The following PRPF6 variants were observed in gnomAD, a reference collection of about 807,000 sequenced individuals.
PRPF6 encodes pre-mRNA processing factor 6.
Under a neutral mutation model 118.3 loss-of-function variants are expected in PRPF6, and 42 were observed. The ratio of observed to expected loss-of-function variants is 0.35; its 90% CI spans 0.28 to 0.46. The LOEUF (loss-of-function observed/expected upper bound fraction) is 0.46, where lower values mean the gene tolerates loss of function less well. Among genes scored for constraint, PRPF6 ranks in the 20% least tolerant of loss-of-function variants. The pLI, the probability that PRPF6 is intolerant of heterozygous loss-of-function variation, is 1.00. For missense variants in PRPF6, 662 were observed against 1,255.7 expected, an observed-to-expected ratio of 0.53 and a Z score of 7.15; for synonymous variants, 481 against 485.1, an observed-to-expected ratio of 0.99 and a Z score of 0.11.
chr20:64,007,394 C>T (rs559643277), intron 9 of PRPF6, among the ~76,000 whole-genome samples: 20 of 136,240 alleles, frequency 1.5e-4, no homozygotes, highest in Non-Finnish European at 2.9e-4. Flanking sequence ...CCCTCTGCCT[C>T]CCGTCCCCTC....
Position 63,995,356 on chromosome 20 carries a change from A to T in PRPF6, c.645A>T (p.Pro215=). 1 of 1,613,666 alleles carries T rather than the reference A, an allele frequency of 6.2e-7. No individual in the cohort carries two copies. Among genetic ancestry groups the T allele is most frequent in the Non-Finnish European group, 8.5e-7 (1 of 1,179,804 alleles). The change falls in exon 6 of 21, where the codon CCA becomes CCT. Residue 215 remains proline (P), a synonymous_variant. Transcript: ENST00000266079. ...TTGGAGGTCTTAACACACCCTATCC[A>T]GGTGGACTAAACACTCCATACCCAG... is the stretch of plus-strand genomic sequence containing the variant. ...TQFGGLNTPY[P]GGLNTPYPGG...
At chr20:64,019,526 G>A (rs565494909) in intron 12 of PRPF6, among the ~76,000 whole-genome samples, 4 of 152,228 alleles carry the variant, frequency 2.6e-5, no homozygotes, top group East Asian at 1.9e-4. Flanking sequence ...CTTCCCTCCC[G>A]GACACCAGGG....
chr20:63,998,037 C>T (rs902742392), intron 6 of PRPF6, among the ~76,000 whole-genome samples: 10 of 152,166 alleles, frequency 6.6e-5, no homozygotes, highest in African/African-American at 2.2e-4. Flanking sequence ...GCTGTGAATA[C>T]GGGTGTACAG....
At chr20:64,020,840 G>A (rs1264375047) in intron 12 of PRPF6, among the ~76,000 whole-genome samples, 3 of 147,664 alleles carry the variant, frequency 2.0e-5, no homozygotes, top group East Asian at 2.0e-4. Context: ...AGGCTGGAGC[G>A]CAATGGCGCA....
At chr20:63,984,761 G>T in intron 2 of PRPF6, 146 bp from the exon 3 acceptor site, 1 of 662,796 alleles carries the variant, frequency 1.5e-6, no homozygotes. Flanking sequence ...GTAGTCACCA[G>T]TTATATGGTA....
At chr20:63,982,355 A>G (rs1255626121) in intron 1 of PRPF6, among the ~76,000 whole-genome samples, 1 of 151,776 alleles carries the variant, frequency 6.6e-6, no homozygotes, top group Non-Finnish European at 1.5e-5. Context: ...TATTTTTAGT[A>G]GAGACAGGGT....
intron 10 of PRPF6, 120 bp downstream of exon 10, chr20:64,010,438 G>A (rs2059211547): frequency 1.2e-6 from 1 of 859,756 alleles, no homozygotes; most frequent in African/African-American, 1.6e-5. Flanking sequence ...GCAATTTCTG[G>A]GAGCAGAAGG....
At chr20:63,994,582 C>G (rs1457309051) in intron 4 of PRPF6, among the ~76,000 whole-genome samples, 3 of 152,094 alleles carry the variant, frequency 2.0e-5, no homozygotes, top group Non-Finnish European at 4.4e-5. Flanking sequence ...GAGTTTGAGA[C>G]CAGCCTTGGG....
intron 10 of PRPF6, among the ~76,000 whole-genome samples, chr20:64,010,695 C>G (rs2123052105): frequency 6.6e-6 from 1 of 152,330 alleles, no homozygotes; most frequent in Admixed American, 6.5e-5. Context: ...CATGACTGCT[C>G]TTTGCCTCTA....
At chr20:64,014,056 G>C (rs2059227015) in intron 11 of PRPF6, among the ~76,000 whole-genome samples, 1 of 151,624 alleles carries the variant, frequency 6.6e-6, no homozygotes, top group Non-Finnish European at 1.5e-5. Context: ...TCCTGCCTCA[G>C]CCTCCTGAGT....
chr20:64,010,004 C>T (rs1180060118), intron 9 of PRPF6, among the ~76,000 whole-genome samples, 196 bp from the exon 10 acceptor site: 1 of 152,186 alleles, frequency 6.6e-6, no homozygotes, highest in African/African-American at 2.4e-5. Flanking sequence ...TTGCTTTCTG[C>T]TACCACAAGA....
intron 9 of PRPF6, among the ~76,000 whole-genome samples, chr20:64,005,096 C>T (rs1013364502): frequency 2.0e-5 from 3 of 152,132 alleles, no homozygotes; most frequent in African/African-American, 7.2e-5. Context: ...GTGTGTGCTT[C>T]CTCCACTTCT....
intron 11 of PRPF6, 55 bp from the exon 12 acceptor site, chr20:64,016,668 G>T: frequency 6.2e-7 from 1 of 1,608,582 alleles, no homozygotes; most frequent in Non-Finnish European, 8.5e-7. Flanking sequence ...TCCCCGTTGG[G>T]AATCTGCAGC....
chr20:64,031,830 G>C, intron 19 of PRPF6, 88 bp from the exon 20 acceptor site: 1 of 1,578,742 alleles, frequency 6.3e-7, no homozygotes, highest in African/African-American at 1.3e-5. Context: ...GGTCAGGGAT[G>C]AAGCTGATGG....
In PRPF6 at chr20:64,011,191, T is replaced by C; in HGVS notation, c.1306-94T>C. 2 of 1,115,916 alleles carry C rather than the reference T, an allele frequency of 1.8e-6. No homozygotes were observed. Among genetic ancestry groups the C allele is most frequent in the South Asian group, 1.3e-5 (1 of 77,132 alleles). The allele number at this position is 1,115,916 out of a possible 1,614,324, so 69.1% of individuals were successfully genotyped here. A position where few individuals can be genotyped will look rare whatever the true frequency, so the allele number is the denominator to read the frequency against. ...GGTTCTCGAGAGCTAAGAAAGAACGTGGTGGCCAACGCTGGAGGGTGGGTC... is the reference window on the plus strand; with the variant it reads ...GGTTCTCGAGAGCTAAGAAAGAACGCGGTGGCCAACGCTGGAGGGTGGGTC... On this transcript the variant is annotated intron_variant, in intron 10 of 20. Transcript: ENST00000266079. This position sits in a 1 kb window ranked among gnomAD's most constrained non-coding sequence, Gnocchi z 6.7.
chr20:63,985,061 A>G lies in PRPF6; in HGVS notation c.359+36A>G, dbSNP rs1183681291. On this transcript the variant is annotated intron_variant, in intron 3 of 20. Coordinates refer to ENST00000266079, the MANE Select transcript of PRPF6 (RefSeq NM_012469.4). ...TTGTTGCCTTTCACAATATTTATCC[A>G]AGTTTAAAAAAAAGTTTTGTGGCCA... 3.2e-6 allele frequency: 5 copies of G among 1,585,304 alleles called. No homozygotes were observed. The South Asian group carries it at 4.4e-5, about 14-fold the overall frequency.
rs1391020487 is a variant in PRPF6, at chr20:64,011,623, C to T, written c.1524+120C>T. The T allele has an allele frequency of 8.7e-7, 1 of 1,148,654 alleles. No homozygotes were observed. Among genetic ancestry groups the T allele is most frequent in the Non-Finnish European group, 1.3e-6 (1 of 795,444 alleles). 71.2% of individuals were successfully genotyped at this position (1,148,654 alleles called of 1,614,324 possible). A position where few individuals can be genotyped will look rare whatever the true frequency, so the allele number is the denominator to read the frequency against. ...GGGGAGTCCTGTGCCAAACCAGAAG[C>T]AGGCACAGGTGTGAATGGGCCCTGA... On this transcript the variant is annotated intron_variant, in intron 11 of 20. Coordinates refer to ENST00000266079, the MANE Select transcript of PRPF6 (RefSeq NM_012469.4). This position sits in a 1 kb window ranked among gnomAD's most constrained non-coding sequence, Gnocchi z 6.7.
Position 63,994,957 on chromosome 20 carries a change from C to A in PRPF6, c.480C>A (p.Ile160=). ...AEVTEEEWLS[I]PEVGDARNKR... is the part of the protein sequence containing the mutation. Reference sequence around the variant, plus strand: ...TCACAGAAGAAGAGTGGCTGAGCATCCCCGAGGTTGGCGATGCCAGAAATA... The same window carrying A: ...TCACAGAAGAAGAGTGGCTGAGCATACCCGAGGTTGGCGATGCCAGAAATA... The change falls in exon 5 of 21, where the codon ATC becomes ATA. Residue 160 remains isoleucine, a synonymous_variant. Transcript: ENST00000266079. 6.2e-7 allele frequency: 1 copy of A among 1,614,144 alleles called. No individual in the cohort carries two copies.
At chr20:64,016,122 TC>T (rs372479860) in intron 11 of PRPF6, among the ~76,000 whole-genome samples, 5 of 149,982 alleles carry the variant, frequency 3.3e-5, no homozygotes, top group Non-Finnish European at 5.9e-5. Flanking sequence ...TGACTCTCTC[TC>T]TTTTTTTTTT....
Sources: allele counts gnomAD v4.1 joint callset (sites outside exome capture counted in the v4.1 genomes callset), GRCh38; gene constraint gnomAD v4.1.1; non-coding constraint Gnocchi (gnomAD v3.1); transcripts MANE v1.5; gene names NCBI Gene and HGNC (gene_info 2026-07-23, HGNC 2026-07-21).